The following KCTD5 variants were observed in gnomAD, a reference collection of about 807,000 sequenced individuals.
KCTD5 encodes the protein potassium channel tetramerization domain containing 5.
KCTD5 carries 12 observed loss-of-function variants against 27.9 expected under a neutral mutation model. That is an observed-to-expected ratio of 0.43 (90% CI 0.28 to 0.70). The LOEUF (loss-of-function observed/expected upper bound fraction) is 0.70, where lower values mean the gene tolerates loss of function less well. Among genes scored for constraint, KCTD5 ranks in the 30% least tolerant of loss-of-function variants. KCTD5 has a pLI of 0.19. For missense variants in KCTD5, 226 were observed against 274.8 expected (o/e 0.82, Z 1.26); for synonymous variants, 147 against 121.4 (o/e 1.21, Z -1.39).
intron 5 of KCTD5, among the ~76,000 whole-genome samples, chr16:2,704,389 C>T (rs1362664227): frequency 6.6e-6 from 1 of 152,202 alleles, no homozygotes; most frequent in Non-Finnish European, 1.5e-5. Context: ...AGCTGTCCCC[C>T]ACTTCAGTCA....
At chr16:2,703,179 T>C (rs3094471) in intron 5 of KCTD5, among the ~76,000 whole-genome samples, 43,756 of 152,106 alleles carry the variant, frequency 0.29, 6,896 homozygotes, top group Non-Finnish European at 0.34. Context: ...GGTGACCCAT[T>C]CTGGTGGCAT....
chr16:2,707,497 A>G lies in KCTD5; in HGVS notation c.*170A>G. ...GAGGTGGGTGGTGAGAGACGGGCCC[A>G]GCTGTCCAAGGCCAGACGTCCCCAA... On this transcript the variant is annotated 3_prime_UTR_variant, in exon 6 of 6. Coordinates refer to ENST00000301738, the MANE Select transcript of KCTD5 (RefSeq NM_018992.4). 2 of 759,050 alleles carry G rather than the reference A, an allele frequency of 2.6e-6. No homozygotes were observed. The highest frequency in any genetic ancestry group is 4.6e-6 in the Non-Finnish European group (2 of 430,260). 47.0% of individuals were successfully genotyped at this position (759,050 alleles called of 1,614,324 possible).
intron 1 of KCTD5, among the ~76,000 whole-genome samples, chr16:2,691,242 A>C (rs540205994): frequency 3.3e-5 from 5 of 152,288 alleles, no homozygotes; most frequent in African/African-American, 1.2e-4. Flanking sequence ...CAGCACCTCC[A>C]CACGCCACTG....
intron 5 of KCTD5, among the ~76,000 whole-genome samples, chr16:2,705,536 C>CCAAGGGG (rs2067631866): frequency 6.6e-6 from 1 of 152,160 alleles, no homozygotes; most frequent in African/African-American, 2.4e-5. Flanking sequence ...AGGCCACAGG[C>CCAAGGGG]TCAGGGCCAA....
chr16:2,691,138 T>C (rs2067564846), intron 1 of KCTD5, among the ~76,000 whole-genome samples: 1 of 152,136 alleles, frequency 6.6e-6, no homozygotes, highest in South Asian at 2.1e-4. Flanking sequence ...ACCCGAACCC[T>C]GGTGGGATTT....
At chr16:2,686,973 G>C (rs1466106525) in intron 1 of KCTD5, among the ~76,000 whole-genome samples, 1 of 152,198 alleles carries the variant, frequency 6.6e-6, no homozygotes, top group African/African-American at 2.4e-5. Context: ...CGACGCTGAT[G>C]GACTTTGTTT....
intron 4 of KCTD5, 120 bp downstream of exon 4, chr16:2,700,036 T>C: frequency 1.1e-6 from 1 of 912,296 alleles, no homozygotes; most frequent in Non-Finnish European, 1.7e-6. Flanking sequence ...CCTGCAGTTC[T>C]GGGGGTGCTC....
chr16:2,696,503 C>T (rs1020717540), intron 2 of KCTD5, among the ~76,000 whole-genome samples: 5 of 152,242 alleles, frequency 3.3e-5, no homozygotes, highest in Non-Finnish European at 7.3e-5. Context: ...CTGCTGCCAG[C>T]TGCCGTGTTC....
intron 1 of KCTD5, among the ~76,000 whole-genome samples, chr16:2,692,053 G>A (rs1259642172): frequency 6.6e-6 from 1 of 152,196 alleles, no homozygotes; most frequent in African/African-American, 2.4e-5. Context: ...GACGAGCTGG[G>A]CAGAGCCTAG....
intron 3 of KCTD5, among the ~76,000 whole-genome samples, chr16:2,698,714 G>A (rs894425093): frequency 1.3e-5 from 2 of 152,146 alleles, no homozygotes; most frequent in African/African-American, 2.4e-5. Context: ...CTGTGCAGAC[G>A]CTCCTAGCCT....
rs1413341376 is a variant in KCTD5, at chr16:2,699,818, C to T, written c.454-3C>T. On this transcript the variant is annotated splice_region_variant and splice_polypyrimidine_tract_variant and intron_variant, in intron 3 of 5. Transcript: ENST00000301738. The stretch of plus-strand genomic sequence containing the variant: ...CCCTTACCTGTGCCCATTGTCCTTG[C>T]AGGTGCCTGTGAAGCATGTGTACCG... 6 of 1,613,014 alleles carry T rather than the reference C, an allele frequency of 3.7e-6. No homozygotes were observed. The highest frequency in any genetic ancestry group is 5.1e-6 in the Non-Finnish European group (6 of 1,179,510).
chr16:2,699,246 C>T (rs1315581599), intron 3 of KCTD5: 1 of 455,892 alleles, frequency 2.2e-6, no homozygotes, highest in Admixed American at 2.3e-5. Flanking sequence ...AGGCGGGCGG[C>T]CCTGGTGGCT....
chr16:2,687,338 G>A (rs184593044), intron 1 of KCTD5, among the ~76,000 whole-genome samples: 5 of 152,306 alleles, frequency 3.3e-5, no homozygotes, highest in Middle Eastern at 3.4e-3. Flanking sequence ...ACATGGGCCC[G>A]CGGTCTTCGG....
At chr16:2,684,925 A>G (rs1343802006) in intron 1 of KCTD5, among the ~76,000 whole-genome samples, 2 of 152,120 alleles carry the variant, frequency 1.3e-5, no homozygotes, top group Non-Finnish European at 2.9e-5. Context: ...ATGACAGAGG[A>G]AGACTCTGTC....
At chr16:2,693,120 G>A (rs951293965) in intron 1 of KCTD5, among the ~76,000 whole-genome samples, 9 of 152,208 alleles carry the variant, frequency 5.9e-5, no homozygotes, top group Non-Finnish European at 1.2e-4. Context: ...GGTCCTCACC[G>A]CTGGTGCCAC....
At chr16:2,693,777 A>T (rs2067577485) in intron 1 of KCTD5, among the ~76,000 whole-genome samples, 1 of 151,990 alleles carries the variant, frequency 6.6e-6, no homozygotes, top group Non-Finnish European at 1.5e-5. Context: ...AGGTCCTGCC[A>T]CAGGTTGGGT....
At chr16:2,685,383 C>T (rs141343657) in intron 1 of KCTD5, among the ~76,000 whole-genome samples, 23 of 151,894 alleles carry the variant, frequency 1.5e-4, no homozygotes, top group South Asian at 2.1e-4. Context: ...GCTGAGGTTG[C>T]GCCACTGCAC....
chr16:2,707,328 G>A lies in KCTD5; in HGVS notation c.*1G>A. The A allele has an allele frequency of 1.9e-6, 3 of 1,613,888 alleles. No homozygotes were observed. The highest frequency in any genetic ancestry group is 1.3e-5 in the African/African-American group (1 of 75,054). On this transcript the variant is annotated 3_prime_UTR_variant, in exon 6 of 6. Coordinates refer to ENST00000301738, the MANE Select transcript of KCTD5 (RefSeq NM_018992.4). ...GCAAGAACGAGGCTCAAGGATGTGA[G>A]GGACACAGTATTGACAGCTGAAGAA...
At chr16:2,701,568 G>T (rs977278263) in intron 4 of KCTD5, among the ~76,000 whole-genome samples, 6 of 152,242 alleles carry the variant, frequency 3.9e-5, no homozygotes, top group Non-Finnish European at 8.8e-5. Context: ...TGCCCACTGG[G>T]TCAGCCGCCA....
Sources: allele counts gnomAD v4.1 joint callset (sites outside exome capture counted in the v4.1 genomes callset), GRCh38; gene constraint gnomAD v4.1.1; transcripts MANE v1.5; gene names NCBI Gene and HGNC (gene_info 2026-07-23, HGNC 2026-07-21).